Variants in ZNF626 observed in about 807,000 individuals in gnomAD.
ZNF626 encodes the protein zinc finger protein 626, also known as CTC-513N18.7.
Under a neutral mutation model 11.7 loss-of-function variants are expected in ZNF626, and 4 were observed. That is an observed-to-expected ratio of 0.34 (90% confidence interval 0.17 to 0.78). The LOEUF (loss-of-function observed/expected upper bound fraction) is 0.78, where lower values mean the gene tolerates loss of function less well. Among genes scored for constraint, ZNF626 ranks in the 30% least tolerant of loss-of-function variants. ZNF626 has a pLI of 0.57. For missense variants in ZNF626, 588 were observed against 587.1 expected (o/e 1.00, Z -0.01); for synonymous variants, 179 against 198.6 (o/e 0.90, Z 0.83).
intron 3 of ZNF626, among the ~76,000 whole-genome samples, chr19:20,627,133 T>C (rs1473775016): frequency 2.0e-5 from 3 of 151,450 alleles, no homozygotes; most frequent in Non-Finnish European, 2.9e-5. Flanking sequence ...AAAACAAAAA[T>C]TGTGGATATA....
Position 20,623,797 on chromosome 19 carries a change from T to C in ZNF626, c.*493A>G. The C allele has an allele frequency of 6.0e-6, 1 of 167,546 alleles. No individual in the cohort carries two copies. Among genetic ancestry groups the C allele is most frequent in the Non-Finnish European group, 1.1e-5 (1 of 89,808 alleles). 10.4% of individuals were successfully genotyped at this position (167,546 alleles called of 1,614,324 possible). A position where few individuals can be genotyped will look rare whatever the true frequency, so the allele number is the denominator to read the frequency against. The stretch of plus-strand genomic sequence containing the variant: ...CTGGGTGACAAGAGTTGAAACTCCA[T>C]CTCAAAAAAAAAAAAAAAAAGACAG... On this transcript the variant is annotated 3_prime_UTR_variant, in exon 4 of 4. Transcript: ENST00000601440.
chr19:20,623,737 T>C lies in ZNF626; in HGVS notation c.*553A>G. 4.7e-6 allele frequency: 1 copy of C among 214,502 alleles called. No individual in the cohort carries two copies. Among genetic ancestry groups the C allele is most frequent in the Non-Finnish European group, 9.3e-6 (1 of 108,038 alleles). 13.3% of individuals were successfully genotyped at this position (214,502 alleles called of 1,614,324 possible). On this transcript the variant is annotated 3_prime_UTR_variant, in exon 4 of 4. Coordinates refer to ENST00000601440, the MANE Select transcript of ZNF626 (RefSeq NM_001076675.3). The stretch of plus-strand genomic sequence containing the variant: ...TGGATTGAACCCAGAAGGCGGAGGT[T>C]GCAGTGAGCCGAGACTGTGCTATTG...
chr19:20,654,180 C>T (rs1163099802), intron 1 of ZNF626, among the ~76,000 whole-genome samples: 3 of 152,156 alleles, frequency 2.0e-5, no homozygotes, highest in African/African-American at 7.2e-5. Flanking sequence ...GTGGCTCAAG[C>T]CTGTAATCCC....
chr19:20,644,318 A>G lies in ZNF626; in HGVS notation c.226+1366T>C, dbSNP rs868917425. On this transcript the variant is annotated intron_variant, in intron 3 of 3. Coordinates refer to ENST00000601440, the MANE Select transcript of ZNF626 (RefSeq NM_001076675.3). ...CATCTGCAGACCTGACTGCAAAAACATGCCCTAGTGTCTGCCCTACAGAGC... is the reference window on the plus strand; with the variant it reads ...CATCTGCAGACCTGACTGCAAAAACGTGCCCTAGTGTCTGCCCTACAGAGC... Among the ~76,000 whole-genome samples the G allele has an allele frequency of 2.6e-5, 4 of 152,288 alleles. No individual in the cohort carries two copies. In the South Asian group the frequency reaches 8.3e-4, roughly 32 times the overall value.
chr19:20,628,757 C>T (rs1555770064), intron 3 of ZNF626, among the ~76,000 whole-genome samples: 3 of 152,134 alleles, frequency 2.0e-5, no homozygotes, highest in African/African-American at 7.2e-5. Flanking sequence ...ATGGTGGTTT[C>T]TTTTGCTGTG....
chr19:20,627,119 C>T (rs1568454899), intron 3 of ZNF626, among the ~76,000 whole-genome samples: 1 of 147,552 alleles, frequency 6.8e-6, no homozygotes, highest in Non-Finnish European at 1.5e-5. Flanking sequence ...ATTGAAATAG[C>T]AAAAAAACAA....
At chr19:20,626,061 G>C (rs2144763692) in intron 3 of ZNF626, among the ~76,000 whole-genome samples, 1 of 151,950 alleles carries the variant, frequency 6.6e-6, no homozygotes, top group African/African-American at 2.4e-5. Context: ...AGGAGTTCAA[G>C]ACCATCTTGG....
intron 3 of ZNF626, among the ~76,000 whole-genome samples, chr19:20,641,284 A>C (rs1340160985): frequency 6.6e-6 from 1 of 152,210 alleles, no homozygotes; most frequent in Non-Finnish European, 1.5e-5. Context: ...CATATACATA[A>C]AATGGAATAT....
In ZNF626 at chr19:20,623,926, T is replaced by G; in HGVS notation, c.*364A>C. ...GAAGTTCCTTAAAAAATCTGTCACA[T>G]TCTTTATATTTGTAGAGTTTATATT... On this transcript the variant is annotated 3_prime_UTR_variant, in exon 4 of 4. Transcript: ENST00000601440. The G allele has an allele frequency of 5.5e-6, 2 of 361,658 alleles. No homozygotes were observed. The highest frequency in any genetic ancestry group is 1.1e-5 in the Non-Finnish European group (2 of 187,346). 22.4% of individuals were successfully genotyped at this position (361,658 alleles called of 1,614,324 possible).
chr19:20,632,198 C>T (rs1419001352), intron 3 of ZNF626, among the ~76,000 whole-genome samples: 5 of 152,198 alleles, frequency 3.3e-5, no homozygotes, highest in Non-Finnish European at 5.9e-5. Context: ...ATAACCCGAG[C>T]TTTCTCTCTG....
At chr19:20,638,749 T>C (rs1969992839) in intron 3 of ZNF626, among the ~76,000 whole-genome samples, 2 of 152,082 alleles carry the variant, frequency 1.3e-5, no homozygotes, top group African/African-American at 4.8e-5. Flanking sequence ...TATATGTATA[T>C]GTGTATATAA....
At chr19:20,644,743 A>G (rs1044649714) in intron 3 of ZNF626, 4 of 152,290 alleles carry the variant, frequency 2.6e-5, no homozygotes, top group Non-Finnish European at 5.9e-5. Context: ...TAAACAGTAC[A>G]TTAAAACCTC....
rs145680348 is a variant in ZNF626 at position 20,635,480 on chromosome 19, G to A, written c.227-9830C>T. Among the ~76,000 whole-genome samples the A allele has an allele frequency of 3.2e-3, 484 of 152,118 alleles. 3 individuals are homozygous for A. The highest frequency in any genetic ancestry group is 0.011 in the African/African-American group (450 of 41,490). Reference sequence around the variant, plus strand: ...TGGAATTACAGGTGATCACCACCACGCCTGGCTAATTTTTTGTATTTTAGT... The same window carrying A: ...TGGAATTACAGGTGATCACCACCACACCTGGCTAATTTTTTGTATTTTAGT... On this transcript the variant is annotated intron_variant, in intron 3 of 3. Coordinates refer to ENST00000601440, the MANE Select transcript of ZNF626 (RefSeq NM_001076675.3).
At chr19:20,645,995 G>A (rs1444872312) in intron 2 of ZNF626, among the ~76,000 whole-genome samples, 1 of 152,060 alleles carries the variant, frequency 6.6e-6, no homozygotes, top group African/African-American at 2.4e-5. Flanking sequence ...ATTGGTGGTG[G>A]CAATTAGATT....
intron 3 of ZNF626, among the ~76,000 whole-genome samples, chr19:20,634,891 T>C (rs1351062248): frequency 6.6e-6 from 1 of 152,208 alleles, no homozygotes. Flanking sequence ...AACAATTTGG[T>C]ATGAGTATAA....
chr19:20,661,147 C>T (rs1156470459), intron 1 of ZNF626, among the ~76,000 whole-genome samples: 7 of 152,222 alleles, frequency 4.6e-5, no homozygotes, highest in African/African-American at 1.4e-4. Flanking sequence ...CCTGCCCACC[C>T]TCCCCTGGTC....
At chr19:20,646,560 C>G (rs1555771932) in intron 1 of ZNF626, among the ~76,000 whole-genome samples, 155 bp from the exon 2 acceptor site, 1 of 152,170 alleles carries the variant, frequency 6.6e-6, no homozygotes, top group Non-Finnish European at 1.5e-5. Flanking sequence ...GAAATATTCT[C>G]TAATGTATTC....
intron 1 of ZNF626, among the ~76,000 whole-genome samples, chr19:20,654,383 C>T (rs543666651): frequency 8.0e-4 from 122 of 151,848 alleles, no homozygotes; most frequent in Non-Finnish European, 1.2e-3. Context: ...GCGGAGGTTG[C>T]AGTGAGCCAA....
In ZNF626 at chr19:20,624,973, T is replaced by C. The variant is rs1555769322; in HGVS notation, c.904A>G (p.Thr302Ala). ...TCTCCAGTATGAATTATCTTATGTG[T>C]AGTAAGGGTTGAGGACCGGTTGAAG... ...KAFNRSSTLT[T>A]HKIIHTGEKP... The change falls in exon 4 of 4, where the codon ACA (threonine) becomes GCA (alanine). Residue 302 changes from threonine to alanine, a missense_variant. Transcript: ENST00000601440. 3.1e-6 allele frequency: 5 copies of C among 1,613,914 alleles called. No homozygotes were observed. The highest frequency in any genetic ancestry group is 1.7e-5 in the Admixed American group (1 of 60,018).
Sources: gnomAD v4.1 joint callset for allele counts (sites outside exome capture counted in the v4.1 genomes callset) on GRCh38, gnomAD v4.1.1 for gene constraint, MANE v1.5 for transcripts, NCBI Gene and HGNC (gene_info 2026-07-23, HGNC 2026-07-21) for gene names.